GRK1: variants seen among roughly 807,000 people sequenced by gnomAD.
GRK1 encodes the protein rhodopsin kinase GRK1.
GRK1 carries 28 observed loss-of-function variants against 41.7 expected under a neutral mutation model. The ratio of observed to expected loss-of-function variants is 0.67; its 90% CI spans 0.50 to 0.92. The LOEUF is 0.92. Among genes scored for constraint, GRK1 ranks in the 40% least tolerant of loss-of-function variants. GRK1 has a pLI of 0.00. For missense variants in GRK1, 703 were observed against 671.2 expected, an observed-to-expected ratio of 1.05 and a Z score of -0.52; for synonymous variants, 327 against 286.7, an observed-to-expected ratio of 1.14 and a Z score of -1.42.
Position 113,735,484 on chromosome 13 carries a change from T to A in GRK1, c.*121T>A. On this transcript the variant is annotated 3_prime_UTR_variant, in exon 7 of 7. Transcript: ENST00000335678. Reference sequence around the variant, plus strand: ...GGACACGTGGTTCCCTCCACCCAGGTCCCCATCACGCCATCTCCTTGCGGC... The same window carrying A: ...GGACACGTGGTTCCCTCCACCCAGGACCCCATCACGCCATCTCCTTGCGGC... 1.8e-6 allele frequency: 2 copies of A among 1,127,834 alleles called. No homozygotes were observed. Among genetic ancestry groups the A allele is most frequent in the Non-Finnish European group, 2.4e-6 (2 of 834,020 alleles). The allele number at this position is 1,127,834 out of a possible 1,614,324, so 69.9% of individuals were successfully genotyped here. A position where few individuals can be genotyped will look rare whatever the true frequency, so the allele number is the denominator to read the frequency against.
chr13:113,652,577 G>T, the GRK1 span: 4 of 465,070 alleles, frequency 8.6e-6, no homozygotes, highest in Non-Finnish European at 1.2e-5. Context: ...CCTGGCCCTG[G>T]CATCTCTGGC....
intron 4 of GRK1, among the ~76,000 whole-genome samples, chr13:113,730,268 CACA>C (rs2049926739): frequency 7.0e-6 from 1 of 142,074 alleles, no homozygotes. Context: ...TCCATCCCGA[CACA>C]GTCCCCCAGT....
intron 1 of GRK1, 105 bp downstream of exon 1, chr13:113,668,190 C>A: frequency 8.2e-7 from 1 of 1,212,268 alleles, no homozygotes. Flanking sequence ...GGGCCCTTAA[C>A]AGCTGGTGCC....
chr13:113,649,288 G>A, the GRK1 span: 2 of 1,468,468 alleles, frequency 1.4e-6, no homozygotes, highest in Non-Finnish European at 1.8e-6. This position sits in a 1 kb window ranked among gnomAD's most constrained non-coding sequence, Gnocchi z 4.7. Flanking sequence ...TGATTTGGCA[G>A]GGAACTGACG....
rs538374079 is a variant in GRK1 at position 113,671,529 on chromosome 13, C to T, written c.858C>T (p.Asn286=). ...RYHIYNVNEE[N]PGFPEPRALF... ...ACATCTACAACGTGAATGAGGAGAACCCTGGCTTCCCGGAGCCGCGCGCCC... is the reference window on the plus strand; with the variant it reads ...ACATCTACAACGTGAATGAGGAGAATCCTGGCTTCCCGGAGCCGCGCGCCC... Residue 286 remains asparagine, a synonymous_variant, in exon 3 of 7, where the codon AAC becomes AAT. Coordinates refer to ENST00000335678, the MANE Select transcript of GRK1 (RefSeq NM_002929.3). This position sits in a 1 kb window ranked among gnomAD's most constrained non-coding sequence, Gnocchi z 4.1. 2 of 779,366 alleles carry T rather than the reference C, an allele frequency of 2.6e-6. No homozygotes were observed. Among genetic ancestry groups the T allele is most frequent in the East Asian group, 2.4e-5 (1 of 41,256 alleles). The allele number at this position is 779,366 out of a possible 1,614,324, so 48.3% of individuals were successfully genotyped here.
intron 1 of GRK1, among the ~76,000 whole-genome samples, chr13:113,668,428 T>C (rs945793752): frequency 6.6e-6 from 1 of 152,062 alleles, no homozygotes; most frequent in African/African-American, 2.4e-5. Context: ...GTCTCCGGAT[T>C]CTTTGCCATG....
chr13:113,670,539 C>T (rs1035755785), intron 2 of GRK1, among the ~76,000 whole-genome samples: 5 of 152,264 alleles, frequency 3.3e-5, no homozygotes, highest in Admixed American at 6.5e-5. Flanking sequence ...ATGCCCCATT[C>T]TCACCTGCTT....
chr13:113,730,703 C>T (rs970800493), intron 4 of GRK1, among the ~76,000 whole-genome samples: 1 of 152,232 alleles, frequency 6.6e-6, no homozygotes, highest in Non-Finnish European at 1.5e-5. Context: ...CATAGCACTC[C>T]TGGGTCACCG....
At chr13:113,666,437 C>G (rs1377631625), upstream of GRK1, among the ~76,000 whole-genome samples, 2 of 150,676 alleles carry the variant, frequency 1.3e-5, no homozygotes, top group Non-Finnish European at 3.0e-5. Flanking sequence ...CCCAGCTGTC[C>G]CAGGTGTGTC....
the GRK1 span, among the ~76,000 whole-genome samples, chr13:113,655,370 T>C: frequency 1.9e-4 from 29 of 152,220 alleles, no homozygotes; most frequent in East Asian, 5.2e-3. Flanking sequence ...TGGTGACCCA[T>C]AGTGCAGCCT....
chr13:113,669,709 T>A lies in GRK1; in HGVS notation c.722T>A (p.Ile241Asn). The change falls in exon 2 of 7, where the codon ATT becomes AAT. Residue 241 changes from isoleucine (I) to asparagine (N), a missense_variant. Coordinates refer to ENST00000335678, the MANE Select transcript of GRK1 (RefSeq NM_002929.3). ...GYQGAMVEKK[I>N]LMKVHSRFIV... ...CAGGGTGCTATGGTGGAGAAGAAGATTCTGATGAAAGTACACAGCAGGTTC... is the reference window on the plus strand; with the variant it reads ...CAGGGTGCTATGGTGGAGAAGAAGAATCTGATGAAAGTACACAGCAGGTTC... 6.2e-7 allele frequency: 1 copy of A among 1,613,966 alleles called. No homozygotes were observed. The highest frequency in any genetic ancestry group is 8.5e-7 in the Non-Finnish European group (1 of 1,179,870).
At chr13:113,666,275 T>G (rs1447964051), upstream of GRK1, among the ~76,000 whole-genome samples, 3 of 148,864 alleles carry the variant, frequency 2.0e-5, no homozygotes, top group Non-Finnish European at 4.5e-5. Flanking sequence ...GTGTCTCAGG[T>G]GTGCCCCAGG....
rs1218548235 is a variant in GRK1 at position 113,723,129 on chromosome 13, C to T, written c.1041C>T (p.Ser347=). The T allele has an allele frequency of 1.4e-5, 10 of 701,632 alleles. No individual in the cohort carries two copies. The highest frequency in any genetic ancestry group is 2.6e-5 in the Non-Finnish European group (10 of 384,120). The allele number at this position is 701,632 out of a possible 1,614,324, so 43.5% of individuals were successfully genotyped here. A position where few individuals can be genotyped will look rare whatever the true frequency, so the allele number is the denominator to read the frequency against. The part of the protein sequence containing the change: ...GLAVELLDGQ[S]KTKGYAGTPG... ...CCGTGGAGCTGCTGGACGGACAGAG[C>T]AAGACCAAGGGCTACGCAGGGACCC... Residue 347 remains serine, a synonymous_variant, in exon 4 of 7, where the codon AGC becomes AGT. Coordinates refer to ENST00000335678, the MANE Select transcript of GRK1 (RefSeq NM_002929.3).
In GRK1 at chr13:113,671,253, C is replaced by T. The variant is rs1232596228; in HGVS notation, c.828-246C>T. Reference sequence around the variant, plus strand: ...CCTGCGGCCCGCGCTGGAAAGCAGGCGGACAGGAGACGCACGTGGACAGCA... The same window carrying T: ...CCTGCGGCCCGCGCTGGAAAGCAGGTGGACAGGAGACGCACGTGGACAGCA... On this transcript the variant is annotated intron_variant, in intron 2 of 6. Transcript: ENST00000335678. The surrounding 1 kb of genome is among the most constrained non-coding windows in gnomAD (Gnocchi z 4.1). Among the ~76,000 whole-genome samples, 6 of 152,150 alleles carry T rather than the reference C, an allele frequency of 3.9e-5. No homozygotes were observed. The highest frequency in any genetic ancestry group is 7.4e-5 in the Non-Finnish European group (5 of 68,024).
intron 3 of GRK1, among the ~76,000 whole-genome samples, chr13:113,672,212 GGT>G (rs1298255993): frequency 6.6e-6 from 1 of 151,496 alleles, no homozygotes; most frequent in Non-Finnish European, 1.5e-5. Context: ...TGTTGTGTGT[GGT>G]GTGTGTGTGG....
the GRK1 span, chr13:113,651,603 A>G: frequency 2.0e-6 from 3 of 1,477,010 alleles, no homozygotes; most frequent in Admixed American, 2.4e-5. Context: ...CGTGCCCAGC[A>G]TGAACCAGCA....
chr13:113,669,011 A>T (rs1159825081), intron 1 of GRK1, among the ~76,000 whole-genome samples: 1 of 152,194 alleles, frequency 6.6e-6, no homozygotes, highest in East Asian at 1.9e-4. Context: ...AGTAATTTTT[A>T]AAAATTAGCT....
the GRK1 span, among the ~76,000 whole-genome samples, chr13:113,661,309 T>C: frequency 2.6e-5 from 4 of 151,646 alleles, no homozygotes; most frequent in Non-Finnish European, 5.9e-5. Context: ...GAAGAAAAAA[T>C]ACACCATATA....
chr13:113,669,080 C>T (rs915768469), intron 1 of GRK1, among the ~76,000 whole-genome samples: 2 of 152,234 alleles, frequency 1.3e-5, no homozygotes, highest in African/African-American at 4.8e-5. Flanking sequence ...TTTAACCCAA[C>T]ATTCAGCCTC....
Sources: gnomAD v4.1 joint callset for allele counts (sites outside exome capture counted in the v4.1 genomes callset) on GRCh38, gnomAD v4.1.1 for gene constraint, Gnocchi (gnomAD v3.1) non-coding constraint, MANE v1.5 for transcripts, NCBI Gene and HGNC (gene_info 2026-07-23, HGNC 2026-07-21) for gene names.